Variants in VAT1L observed in about 807,000 individuals in gnomAD.
VAT1L encodes the protein vesicle amine transport 1 like.
In VAT1L, 34 loss-of-function variants were observed where a neutral mutation model predicts 44.1. The ratio of observed to expected loss-of-function variants is 0.77; its 90% CI spans 0.59 to 1.03. VAT1L has a LOEUF of 1.03. Among genes scored for constraint, VAT1L ranks in the 50% least tolerant of loss-of-function variants. The pLI is 0.00. For synonymous variants in VAT1L, 253 were observed against 202.2 expected (o/e 1.25, Z -2.13); for missense variants, 615 against 538.8 (o/e 1.14, Z -1.40).
chr16:77,908,724 G>A (rs1416897138), intron 7 of VAT1L, among the ~76,000 whole-genome samples: 1 of 151,818 alleles, frequency 6.6e-6, no homozygotes, highest in African/African-American at 2.4e-5. Flanking sequence ...GACCATCCTG[G>A]CTAACACAGC....
intron 7 of VAT1L, among the ~76,000 whole-genome samples, chr16:77,923,235 G>A (rs865975053): frequency 1.3e-5 from 2 of 152,186 alleles, no homozygotes; most frequent in Non-Finnish European, 2.9e-5. Context: ...TGGATCATGA[G>A]GTCAGGAAAT....
At chr16:77,954,032 A>AC (rs1362612248) in intron 7 of VAT1L, among the ~76,000 whole-genome samples, 1 of 152,048 alleles carries the variant, frequency 6.6e-6, no homozygotes, top group Non-Finnish European at 1.5e-5. Context: ...GTGTGACCCC[A>AC]CCACCACTGA....
At chr16:77,948,052 G>A (rs1057499801) in intron 7 of VAT1L, among the ~76,000 whole-genome samples, 11 of 152,268 alleles carry the variant, frequency 7.2e-5, no homozygotes, top group Admixed American at 1.3e-4. Context: ...GTACCACCGC[G>A]CCCGGCCCCA....
At chr16:77,893,505 G>A (rs1210185799) in intron 7 of VAT1L, among the ~76,000 whole-genome samples, 1 of 152,198 alleles carries the variant, frequency 6.6e-6, no homozygotes, top group Non-Finnish European at 1.5e-5. Flanking sequence ...CATGAAAGTG[G>A]AGCTGTCCAC....
chr16:77,814,953 A>G (rs1169899657), intron 1 of VAT1L, among the ~76,000 whole-genome samples: 2 of 152,226 alleles, frequency 1.3e-5, no homozygotes, highest in African/African-American at 2.4e-5. Flanking sequence ...GTGGCACCAC[A>G]TGTCAGTGCT....
chr16:77,825,437 C>G lies in VAT1L; in HGVS notation c.555C>G (p.Leu185=), dbSNP rs377533454. 2 of 1,599,400 alleles carry G rather than the reference C, an allele frequency of 1.3e-6. No homozygotes were observed. Among genetic ancestry groups the G allele is most frequent in the South Asian group, 1.1e-5 (1 of 89,180 alleles). The change falls in exon 3 of 9, where the codon CTC becomes CTG. Residue 185 remains leucine (L), a synonymous_variant. Transcript: ENST00000302536. The part of the protein sequence containing the change: ...VANLREGMSV[L]VHSAGGGVGQ... Reference sequence around the variant, plus strand: ...ACCTCCGGGAAGGGATGTCTGTGCTCGTGCACTCAGCTGGTGGGGGCGTGG... The same window carrying G: ...ACCTCCGGGAAGGGATGTCTGTGCTGGTGCACTCAGCTGGTGGGGGCGTGG...
chr16:77,870,895 T>C (rs2017024426), intron 4 of VAT1L, among the ~76,000 whole-genome samples: 1 of 152,146 alleles, frequency 6.6e-6, no homozygotes, highest in Admixed American at 6.5e-5. Flanking sequence ...GATTATTTCA[T>C]TAAAAGGGCT....
intron 3 of VAT1L, among the ~76,000 whole-genome samples, chr16:77,856,577 C>T (rs1429060): frequency 7.7e-4 from 118 of 152,270 alleles, no homozygotes; most frequent in African/African-American, 2.7e-3. Context: ...TTTAAACTGC[C>T]AGTCTGTCGA....
chr16:77,971,744 C>A, intron 7 of VAT1L, 106 bp from the exon 8 acceptor site: 1 of 1,211,598 alleles, frequency 8.3e-7, no homozygotes, highest in Non-Finnish European at 1.2e-6. Flanking sequence ...ACTTGAGCCG[C>A]AGCGCCCTCT....
intron 7 of VAT1L, among the ~76,000 whole-genome samples, chr16:77,936,498 A>G (rs1597107786): frequency 6.6e-6 from 1 of 152,170 alleles, no homozygotes; most frequent in African/African-American, 2.4e-5. Context: ...CCTTAAGTCA[A>G]CTAAAGATGA....
chr16:77,844,118 A>G (rs965926573), intron 3 of VAT1L, among the ~76,000 whole-genome samples: 1 of 152,214 alleles, frequency 6.6e-6, no homozygotes, highest in African/African-American at 2.4e-5. Context: ...CATATTATAC[A>G]TATAGTATGT....
At chr16:77,875,724 T>A (rs1412442614) in intron 4 of VAT1L, among the ~76,000 whole-genome samples, 1 of 152,220 alleles carries the variant, frequency 6.6e-6, no homozygotes, top group Non-Finnish European at 1.5e-5. Flanking sequence ...AGGAAGTTCA[T>A]CTCTATTTAA....
At chr16:77,811,427 T>A (rs1184324218) in intron 1 of VAT1L, among the ~76,000 whole-genome samples, 1 of 152,040 alleles carries the variant, frequency 6.6e-6, no homozygotes, top group African/African-American at 2.4e-5. Flanking sequence ...CAAAAAAAAA[T>A]TCCAAACGAT....
rs142834784 is a variant in VAT1L at position 77,970,816 on chromosome 16, C to A, written c.1078-1034C>A. 9.3e-3 allele frequency among the ~76,000 whole-genome samples: 1,418 copies of A among 152,278 alleles called. 16 individuals carry two copies. The highest frequency in any genetic ancestry group is 0.022 in the South Asian group (104 of 4,828). ...TGTGTAGAAGTCTTCGGTTTTCATA[C>A]AAGCAAATACTGCTCTATCAATCAG... On this transcript the variant is annotated intron_variant, in intron 7 of 8. Coordinates refer to ENST00000302536, the MANE Select transcript of VAT1L (RefSeq NM_020927.3).
Position 77,977,725 on chromosome 16 carries a change from A to G in VAT1L, c.*30A>G. The G allele has an allele frequency of 6.2e-7, 1 of 1,605,354 alleles. No homozygotes were observed. Among genetic ancestry groups the G allele is most frequent in the South Asian group, 1.1e-5 (1 of 89,926 alleles). On this transcript the variant is annotated 3_prime_UTR_variant, in exon 9 of 9. Transcript: ENST00000302536. Reference sequence around the variant, plus strand: ...GGACCCAGGTGGGAGAATGTGAAGGATGGTTTGGAAGATGAGGACCCGGCT... The same window carrying G: ...GGACCCAGGTGGGAGAATGTGAAGGGTGGTTTGGAAGATGAGGACCCGGCT...
At chr16:77,925,222 G>A (rs207476193) in intron 7 of VAT1L, among the ~76,000 whole-genome samples, 2 of 152,098 alleles carry the variant, frequency 1.3e-5, no homozygotes, top group Admixed American at 6.5e-5. Context: ...TTCACGTGCA[G>A]CCTGGAGAGT....
intron 3 of VAT1L, among the ~76,000 whole-genome samples, chr16:77,827,529 T>C (rs1399036396): frequency 2.0e-5 from 3 of 152,190 alleles, no homozygotes; most frequent in African/African-American, 7.2e-5. Flanking sequence ...CTAACTAAAG[T>C]GTAAAACAGG....
chr16:77,892,978 C>A (rs2017284215), intron 7 of VAT1L: 3 of 681,600 alleles, frequency 4.4e-6, no homozygotes, highest in Non-Finnish European at 7.9e-6. Context: ...AGGAGGGTAC[C>A]CTCCATCCCA....
chr16:77,938,020 C>T (rs1352066977), intron 7 of VAT1L, among the ~76,000 whole-genome samples: 2 of 152,224 alleles, frequency 1.3e-5, no homozygotes, highest in African/African-American at 4.8e-5. Context: ...GCGTAAAGGG[C>T]AAAACCCTTC....
Sources: allele counts gnomAD v4.1 joint callset (sites outside exome capture counted in the v4.1 genomes callset), GRCh38; gene constraint gnomAD v4.1.1; transcripts MANE v1.5; gene names NCBI Gene and HGNC (gene_info 2026-07-23, HGNC 2026-07-21).